Variants in NBEA observed in about 807,000 individuals in gnomAD.
The protein encoded by NBEA is neurobeachin.
Under a neutral mutation model 343.4 loss-of-function variants are expected in NBEA, and 44 were observed. That is an observed-to-expected ratio of 0.13 (90% CI 0.10 to 0.16). The LOEUF (loss-of-function observed/expected upper bound fraction) is 0.16, where lower values mean the gene tolerates loss of function less well. NBEA is among the 10% of genes least tolerant of loss of function. The pLI, the probability that NBEA is intolerant of heterozygous loss-of-function variation, is 1.00. For missense variants in NBEA, 2,555 were observed against 3,631.3 expected (o/e 0.70, Z 7.62); for synonymous variants, 1,175 against 1,238.7 (o/e 0.95, Z 1.08).
At chr13:35,150,121 AAC>A (rs949199324) in intron 18 of NBEA, among the ~76,000 whole-genome samples, 2 of 152,354 alleles carry the variant, frequency 1.3e-5, no homozygotes, top group Non-Finnish European at 2.9e-5. Flanking sequence ...TGAAGGAACC[AAC>A]TTACAGACCT....
At chr13:35,287,435 T>G (rs1216576302) in intron 34 of NBEA, among the ~76,000 whole-genome samples, 2 of 152,036 alleles carry the variant, frequency 1.3e-5, no homozygotes, top group Non-Finnish European at 2.9e-5. Context: ...CTTTTGTCTT[T>G]CAAAACCATA....
chr13:34,992,258 ATATAT>A (rs1566133699), intron 1 of NBEA, among the ~76,000 whole-genome samples: 3 of 135,108 alleles, frequency 2.2e-5, no homozygotes, highest in African/African-American at 8.7e-5. Flanking sequence ...ATATATATAT[ATATAT>A]TTTTTTTTTT....
chr13:35,510,720 A>T (rs536827005), intron 41 of NBEA, among the ~76,000 whole-genome samples: 1 of 152,220 alleles, frequency 6.6e-6, no homozygotes, highest in Non-Finnish European at 1.5e-5. Context: ...GGTACCAAAC[A>T]TTATGCTAGA....
chr13:35,523,495 T>C (rs1185741311), intron 41 of NBEA, among the ~76,000 whole-genome samples: 1 of 152,182 alleles, frequency 6.6e-6, no homozygotes, highest in African/African-American at 2.4e-5. Flanking sequence ...CTGCAACTTA[T>C]GAGCAGTCTG....
At chr13:35,436,720 A>C (rs2045463561) in intron 39 of NBEA, among the ~76,000 whole-genome samples, 1 of 152,158 alleles carries the variant, frequency 6.6e-6, no homozygotes, top group South Asian at 2.1e-4. Context: ...AAAAAAAAAA[A>C]AAAAAAATCT....
chr13:35,191,294 A>G (rs967042820), intron 30 of NBEA, among the ~76,000 whole-genome samples: 8 of 152,090 alleles, frequency 5.3e-5, no homozygotes, highest in African/African-American at 1.4e-4. Flanking sequence ...ATATGTCTAA[A>G]AAGCTCAATG....
chr13:35,481,348 A>G lies in NBEA; in HGVS notation c.6585+8812A>G, dbSNP rs1594774270. ...AACTAGCCAAAACTTTTCTTTTGGTAGAAAAAGAAATTTAAAGCCTGGCTT... is the reference window on the plus strand; with the variant it reads ...AACTAGCCAAAACTTTTCTTTTGGTGGAAAAAGAAATTTAAAGCCTGGCTT... On this transcript the variant is annotated intron_variant, in intron 41 of 58. Transcript: ENST00000379939. Among the ~76,000 whole-genome samples the G allele has an allele frequency of 6.6e-5, 10 of 152,018 alleles. No homozygotes were observed. The South Asian group carries it at 2.1e-3, about 31-fold the overall frequency.
chr13:35,578,107 T>C (rs2080836010), intron 45 of NBEA, among the ~76,000 whole-genome samples: 1 of 152,134 alleles, frequency 6.6e-6, no homozygotes, highest in Non-Finnish European at 1.5e-5. Flanking sequence ...GTCTTAAAAG[T>C]ATTGAGATAA....
intron 44 of NBEA, among the ~76,000 whole-genome samples, chr13:35,557,563 A>T (rs937011793): frequency 1.3e-5 from 2 of 152,160 alleles, no homozygotes; most frequent in African/African-American, 4.8e-5. Context: ...TATTTATAAC[A>T]TGAAGATTAT....
At chr13:35,545,022 A>G (rs953371499) in intron 41 of NBEA, among the ~76,000 whole-genome samples, 3 of 152,356 alleles carry the variant, frequency 2.0e-5, no homozygotes, top group Admixed American at 1.3e-4. Context: ...ACATGAAAGT[A>G]CTTAAATGAC....
chr13:35,459,683 A>G (rs2046800132), intron 40 of NBEA, among the ~76,000 whole-genome samples: 1 of 152,194 alleles, frequency 6.6e-6, no homozygotes, highest in African/African-American at 2.4e-5. Flanking sequence ...AAAGTTGTTT[A>G]TATATAAATT....
At chr13:35,328,346 T>C (rs918358856) in intron 36 of NBEA, among the ~76,000 whole-genome samples, 18 of 151,796 alleles carry the variant, frequency 1.2e-4, no homozygotes, top group African/African-American at 3.9e-4. Context: ...CTACAACATA[T>C]TTCTGCCAAA....
chr13:35,355,059 A>C (rs892358290), intron 38 of NBEA, among the ~76,000 whole-genome samples: 1 of 152,140 alleles, frequency 6.6e-6, no homozygotes, highest in Non-Finnish European at 1.5e-5. Flanking sequence ...ACTACTGTTT[A>C]CACATCCCAC....
intron 39 of NBEA, among the ~76,000 whole-genome samples, chr13:35,451,425 T>C (rs2046310056): frequency 6.6e-6 from 1 of 152,218 alleles, no homozygotes; most frequent in African/African-American, 2.4e-5. Flanking sequence ...CCCAACCAGC[T>C]TTTTGTGTTA....
chr13:35,306,248 A>G (rs1336081273), intron 35 of NBEA, among the ~76,000 whole-genome samples: 1 of 152,048 alleles, frequency 6.6e-6, no homozygotes, highest in African/African-American at 2.4e-5. Context: ...GCTAGGTTAT[A>G]TTATGTATTA....
chr13:35,074,315 T>C (rs1473017841), intron 10 of NBEA, among the ~76,000 whole-genome samples: 2 of 152,180 alleles, frequency 1.3e-5, no homozygotes, highest in Non-Finnish European at 2.9e-5. Flanking sequence ...TACATCTTAT[T>C]GAGTACATAT....
rs1593812067 is a variant in NBEA, at chr13:35,222,138, T to C, written c.5649-10354T>C. Among the ~76,000 whole-genome samples, 4 of 152,256 alleles carry C rather than the reference T, an allele frequency of 2.6e-5. 1 individual carries two copies. Among genetic ancestry groups the C allele is most frequent in the African/African-American group, 9.6e-5 (4 of 41,560 alleles). ...TGTAAATGTTAAAATGGCTTGGTTT[T>C]TTTTAATCACTGATTTCAGCTGGAT... On this transcript the variant is annotated intron_variant, in intron 33 of 58. Transcript: ENST00000379939.
chr13:35,113,547 A>G (rs538175025), intron 13 of NBEA, among the ~76,000 whole-genome samples: 6 of 152,230 alleles, frequency 3.9e-5, no homozygotes, highest in African/African-American at 1.2e-4. Flanking sequence ...TTAAGTTGGC[A>G]TATCTACTGT....
At chr13:35,145,045 T>C (rs1198186779) in intron 18 of NBEA, among the ~76,000 whole-genome samples, 2 of 152,220 alleles carry the variant, frequency 1.3e-5, no homozygotes, top group Non-Finnish European at 2.9e-5. Context: ...AGTAAATCTT[T>C]TGAACTTTCA....
Sources: allele counts gnomAD v4.1 joint callset (sites outside exome capture counted in the v4.1 genomes callset), GRCh38; gene constraint gnomAD v4.1.1; transcripts MANE v1.5; gene names NCBI Gene and HGNC (gene_info 2026-07-23, HGNC 2026-07-21).